Variants in GCNT4 observed in about 807,000 individuals in gnomAD.
GCNT4 encodes the protein beta-1,3-galactosyl-O-glycosyl-glycoprotein beta-1,6-N-acetylglucosaminyltransferase 4.
GCNT4 carries 17 observed loss-of-function variants against 31.3 expected under a neutral mutation model. That is an observed-to-expected ratio of 0.54 (90% CI 0.37 to 0.81). The LOEUF (loss-of-function observed/expected upper bound fraction) is 0.81, where lower values mean the gene tolerates loss of function less well. Among genes scored for constraint, GCNT4 ranks in the 40% least tolerant of loss-of-function variants. GCNT4 has a pLI of 0.00. For missense variants in GCNT4, 503 were observed against 525.5 expected (o/e 0.96, Z 0.42); for synonymous variants, 158 against 190.6 (o/e 0.83, Z 1.41).
chr5:75,020,169 T>G, the GCNT4 span, among the ~76,000 whole-genome samples: 2 of 152,186 alleles, frequency 1.3e-5, no homozygotes, highest in South Asian at 4.1e-4. Flanking sequence ...CTCCACTTGT[T>G]ATATAACCTG....
At chr5:75,045,542 T>C (rs1046546453) in intron 3 of GCNT4, among the ~76,000 whole-genome samples, 1 of 152,250 alleles carries the variant, frequency 6.6e-6, no homozygotes, top group Admixed American at 6.5e-5. Context: ...CAGTAGATAT[T>C]TGCTTTGCTT....
intron 3 of GCNT4, among the ~76,000 whole-genome samples, chr5:75,041,797 T>C (rs1288905006): frequency 6.6e-6 from 1 of 152,180 alleles, no homozygotes; most frequent in African/African-American, 2.4e-5. Flanking sequence ...AGGGCAAATA[T>C]CAAAAGCTGA....
At chr5:75,040,740 A>G (rs577207645) in intron 3 of GCNT4, among the ~76,000 whole-genome samples, 1 of 152,244 alleles carries the variant, frequency 6.6e-6, no homozygotes, top group Non-Finnish European at 1.5e-5. Flanking sequence ...TCAATGTGTT[A>G]TAAGTTGGTT....
chr5:75,020,476 A>C (rs1472371459), downstream of GCNT4, among the ~76,000 whole-genome samples: 2 of 151,898 alleles, frequency 1.3e-5, no homozygotes, highest in Non-Finnish European at 2.9e-5. Flanking sequence ...CAAGCATGGG[A>C]GTGGCAGGAG....
intron 3 of GCNT4, among the ~76,000 whole-genome samples, chr5:75,035,659 C>A (rs1341332198): frequency 6.6e-6 from 1 of 152,196 alleles, no homozygotes; most frequent in South Asian, 2.1e-4. Context: ...GTGTGACCTC[C>A]CAACCGGGGT....
At chr5:75,038,466 A>G (rs1743247925) in intron 3 of GCNT4, among the ~76,000 whole-genome samples, 1 of 152,218 alleles carries the variant, frequency 6.6e-6, no homozygotes, top group South Asian at 2.1e-4. Flanking sequence ...GTCTTGGTTC[A>G]TTCCTGCTGC....
At chr5:75,047,153 G>T (rs1743459049) in intron 3 of GCNT4, among the ~76,000 whole-genome samples, 1 of 152,120 alleles carries the variant, frequency 6.6e-6, no homozygotes, top group Non-Finnish European at 1.5e-5. Flanking sequence ...TTCCTTATGA[G>T]GGCTCCCCTG....
downstream of GCNT4, among the ~76,000 whole-genome samples, chr5:75,020,478 T>C (rs961755175): frequency 2.0e-5 from 3 of 151,884 alleles, no homozygotes; most frequent in Non-Finnish European, 2.9e-5. Flanking sequence ...AGCATGGGAG[T>C]GGCAGGAGCC....
chr5:75,037,623 G>C (rs984538291), intron 3 of GCNT4, among the ~76,000 whole-genome samples: 1 of 152,116 alleles, frequency 6.6e-6, no homozygotes, highest in Non-Finnish European at 1.5e-5. Context: ...CCAACACTTT[G>C]GGAGGCTGAG....
Position 75,028,671 on chromosome 5 carries a change from T to G in GCNT4, c.*5A>C, listed in dbSNP as rs760622276. ...CACCCTCTTATTTCCATCCTGATTT[T>G]ACTATCATGATGTGGTAGTGAGATT... On this transcript the variant is annotated 3_prime_UTR_variant, in exon 4 of 4. Transcript: ENST00000652361. The G allele has an allele frequency of 6.2e-7, 1 of 1,601,968 alleles. No individual in the cohort carries two copies. Among genetic ancestry groups the G allele is most frequent in the Non-Finnish European group, 8.5e-7 (1 of 1,174,416 alleles).
rs1458028613 is a variant in GCNT4, at chr5:75,029,786, A to G, written c.252T>C (p.Ile84=). 1.2e-6 allele frequency: 2 copies of G among 1,613,966 alleles called. No homozygotes were observed. The highest frequency in any genetic ancestry group is 1.7e-6 in the Non-Finnish European group (2 of 1,180,010). The change falls in exon 4 of 4, where the codon ATT becomes ATC. Residue 84 remains isoleucine (I), a synonymous_variant. Coordinates refer to ENST00000652361, the MANE Select transcript of GCNT4 (RefSeq NM_001366737.1). ...SGIYEQEPLE[I]GKSLEIRRRD... is the part of the protein sequence containing the mutation. ...TTCTTCTTATTTCCAGACTCTTTCC[A>G]ATTTCCAAAGGCTCCTGTTCATAGA...
chr5:75,048,284 T>A (rs983014286), intron 2 of GCNT4, among the ~76,000 whole-genome samples: 1 of 152,028 alleles, frequency 6.6e-6, no homozygotes, highest in Non-Finnish European at 1.5e-5. Flanking sequence ...TCAGCTTATA[T>A]GGAAAATAAC....
In GCNT4 at chr5:75,052,412, C is replaced by T. The variant is rs993081934; in HGVS notation, c.-202+17G>A. The T allele has an allele frequency of 3.3e-5, 5 of 152,120 alleles. No individual in the cohort carries two copies. The highest frequency in any genetic ancestry group is 1.2e-4 in the African/African-American group (5 of 41,430). 9.4% of individuals were successfully genotyped at this position (152,120 alleles called of 1,614,324 possible). A position where few individuals can be genotyped will look rare whatever the true frequency, so the allele number is the denominator to read the frequency against. On this transcript the variant is annotated intron_variant, in intron 1 of 3. Coordinates refer to ENST00000652361, the MANE Select transcript of GCNT4 (RefSeq NM_001366737.1). Reference sequence around the variant, plus strand: ...CTGAGTCTTTAAATTTACAAAACACCCACTCGCCCCGTTTACCTAGCACCG... The same window carrying T: ...CTGAGTCTTTAAATTTACAAAACACTCACTCGCCCCGTTTACCTAGCACCG...
In GCNT4 at chr5:75,028,868, C is replaced by T. The variant is rs772995590; in HGVS notation, c.1170G>A (p.Val390=). The T allele has an allele frequency of 4.3e-6, 7 of 1,614,060 alleles. No individual in the cohort carries two copies. Among genetic ancestry groups the T allele is most frequent in the Non-Finnish European group, 5.1e-6 (6 of 1,180,008 alleles). The stretch of plus-strand genomic sequence containing the variant: ...TTAATTCTGCAGCTCCATAAATACA[C>T]ACGCTTCGAAGGTGAGATCCAGTAC... ...PSCTGSHLRS[V]CIYGAAELRW... Residue 390 remains valine, a synonymous_variant, in exon 4 of 4, where the codon GTG becomes GTA. Coordinates refer to ENST00000652361, the MANE Select transcript of GCNT4 (RefSeq NM_001366737.1).
chr5:75,035,746 T>C (rs933135647), intron 3 of GCNT4, among the ~76,000 whole-genome samples: 6 of 152,188 alleles, frequency 3.9e-5, no homozygotes, highest in Non-Finnish European at 7.3e-5. Context: ...CCCAGAGGGA[T>C]GGGCAGGCCG....
In GCNT4 at chr5:75,029,564, A is replaced by G. The variant is rs1403180885; in HGVS notation, c.474T>C (p.Asn158=). 7 of 1,614,076 alleles carry G rather than the reference A, an allele frequency of 4.3e-6. No homozygotes were observed. Among genetic ancestry groups the G allele is most frequent in the Non-Finnish European group, 5.9e-6 (7 of 1,180,050 alleles). ...TACGATCATAATGGATGCAGTAAAT[A>G]TTGTGCTGGTTGTATATAGCATGGA... The part of the protein sequence containing the change: ...RLIHAIYNQH[N]IYCIHYDRKA... The change falls in exon 4 of 4, where the codon AAT becomes AAC. Residue 158 remains asparagine, a synonymous_variant. Coordinates refer to ENST00000652361, the MANE Select transcript of GCNT4 (RefSeq NM_001366737.1).
rs942406278 is a variant in GCNT4, at chr5:75,027,747, G to A, written c.*929C>T. ...CTTAGCTTGATAGTTCCATACAACA[G>A]AATTATAATGATTCCACAGAAAGTA... On this transcript the variant is annotated 3_prime_UTR_variant, in exon 4 of 4. Coordinates refer to ENST00000652361, the MANE Select transcript of GCNT4 (RefSeq NM_001366737.1). 3 of 152,378 alleles carry A rather than the reference G, an allele frequency of 2.0e-5. No individual in the cohort carries two copies. Among genetic ancestry groups the A allele is most frequent in the Non-Finnish European group, 4.4e-5 (3 of 67,990 alleles). 9.4% of individuals were successfully genotyped at this position (152,378 alleles called of 1,614,324 possible).
intron 2 of GCNT4, among the ~76,000 whole-genome samples, chr5:75,050,291 A>C (rs1334050627): frequency 6.6e-6 from 1 of 152,250 alleles, no homozygotes; most frequent in African/African-American, 2.4e-5. Flanking sequence ...GACAGTTTAC[A>C]TTACATGAGC....
At chr5:75,044,304 C>A (rs752594036) in intron 3 of GCNT4, among the ~76,000 whole-genome samples, 8 of 151,944 alleles carry the variant, frequency 5.3e-5, no homozygotes, top group Non-Finnish European at 8.8e-5. Flanking sequence ...TGCTGCCTGA[C>A]CCCATTCCTC....
Sources: allele counts gnomAD v4.1 joint callset (sites outside exome capture counted in the v4.1 genomes callset), GRCh38; gene constraint gnomAD v4.1.1; transcripts MANE v1.5; gene names NCBI Gene and HGNC (gene_info 2026-07-23, HGNC 2026-07-21).